Variants in TMOD3 observed in about 807,000 individuals in gnomAD.
The protein encoded by TMOD3 is tropomodulin 3, also known as tropomodulin-3.
A neutral mutation model predicts 39.2 loss-of-function variants in TMOD3; 20 were observed. The ratio of observed to expected loss-of-function variants is 0.51; its 90% CI spans 0.36 to 0.74. The LOEUF (loss-of-function observed/expected upper bound fraction) is 0.74. Among genes scored for constraint, TMOD3 ranks in the 30% least tolerant of loss-of-function variants. The pLI is 0.00. For synonymous variants in TMOD3, 143 were observed against 145.8 expected (o/e 0.98, Z 0.14); for missense variants, 381 against 412.8 (o/e 0.92, Z 0.67).
chr15:51,841,298 A>G (rs761588323), intron 1 of TMOD3, among the ~76,000 whole-genome samples: 32 of 152,230 alleles, frequency 2.1e-4, no homozygotes, highest in Non-Finnish European at 5.9e-5. Flanking sequence ...CCTATGATGT[A>G]ATTAAGATAT....
At chr15:51,873,657 T>A (rs1046306642) in intron 3 of TMOD3, among the ~76,000 whole-genome samples, 1 of 152,152 alleles carries the variant, frequency 6.6e-6, no homozygotes, top group African/African-American at 2.4e-5. Context: ...AATCACATAG[T>A]GAGCTCTCAT....
At chr15:51,885,449 G>GT (rs1170130721) in intron 3 of TMOD3, among the ~76,000 whole-genome samples, 1 of 152,138 alleles carries the variant, frequency 6.6e-6, no homozygotes, top group Admixed American at 6.5e-5. Flanking sequence ...CTTCCGCAGT[G>GT]TTTGTGTCCC....
intron 1 of TMOD3, among the ~76,000 whole-genome samples, chr15:51,836,141 A>G (rs545540863): frequency 6.6e-6 from 1 of 152,310 alleles, no homozygotes; most frequent in Admixed American, 6.5e-5. Context: ...AGCTTTAGTG[A>G]GATATAATTC....
intron 8 of TMOD3, among the ~76,000 whole-genome samples, chr15:51,901,651 T>C (rs1354480292): frequency 6.6e-6 from 1 of 151,468 alleles, no homozygotes; most frequent in African/African-American, 2.4e-5. Context: ...ATTGGGTCAA[T>C]GGGTAAAATC....
chr15:51,861,635 T>G (rs1303770056), intron 1 of TMOD3, among the ~76,000 whole-genome samples: 1 of 152,044 alleles, frequency 6.6e-6, no homozygotes, highest in Non-Finnish European at 1.5e-5. Flanking sequence ...TAAAGTGTAT[T>G]TATTTCCATA....
At position 51,887,806 on chromosome 15, in the gene TMOD3, C is replaced by T. The variant is rs948878689; in HGVS notation, c.406+95C>T. 6 of 1,476,076 alleles carry T rather than the reference C, an allele frequency of 4.1e-6. No homozygotes were observed. The African/African-American group carries it at 7.2e-5, about 18-fold the overall frequency. 91.4% of individuals were successfully genotyped at this position (1,476,076 alleles called of 1,614,324 possible). The stretch of plus-strand genomic sequence containing the variant: ...ATACATTATACAAACGTTTGCTTTA[C>T]CTAGCAAGTACTGTTAAATCAGTAA... On this transcript the variant is annotated intron_variant, in intron 4 of 9. Transcript: ENST00000308580.
chr15:51,895,871 G>T (rs762391853), intron 6 of TMOD3, among the ~76,000 whole-genome samples: 3 of 152,184 alleles, frequency 2.0e-5, no homozygotes, highest in Non-Finnish European at 4.4e-5. Flanking sequence ...CACTTTGGGA[G>T]GCCGAGGAGG....
chr15:51,831,819 A>G (rs1033684529), intron 1 of TMOD3, among the ~76,000 whole-genome samples: 1 of 151,810 alleles, frequency 6.6e-6, no homozygotes, highest in Non-Finnish European at 1.5e-5. Context: ...CATGAATTCA[A>G]GTATGTGTCT....
intron 1 of TMOD3, chr15:51,861,106 T>A: frequency 1.8e-6 from 1 of 550,270 alleles, no homozygotes; most frequent in Middle Eastern, 4.0e-4. Flanking sequence ...TCGAAAAGAT[T>A]AATTTCATGT....
chr15:51,887,528 A>T, intron 3 of TMOD3, 61 bp from the exon 4 acceptor site: 4 of 1,552,020 alleles, frequency 2.6e-6, no homozygotes, highest in Non-Finnish European at 3.5e-6. Context: ...GGTTACAAGG[A>T]TAAAATGGTA....
chr15:51,908,714 C>A, intron 9 of TMOD3, 62 bp from the exon 10 acceptor site: 2 of 1,390,254 alleles, frequency 1.4e-6, no homozygotes, highest in Non-Finnish European at 9.9e-7. Flanking sequence ...TTGTTATAAG[C>A]AAGTTACCAT....
At position 51,887,693 on chromosome 15, in the gene TMOD3, G is replaced by C. The variant is rs748126957; in HGVS notation, c.388G>C (p.Glu130Gln). Reference protein sequence around the residue: ...EEALTSASDTELCDLAAILGM... With the variant: ...EEALTSASDTQLCDLAAILGM... The stretch of plus-strand genomic sequence containing the variant: ...AGCTTTGACAAGTGCTTCTGATACA[G>C]AATTGTGTGACCTCGCAGGTATCAC... The change falls in exon 4 of 10, where the codon GAA becomes CAA. Residue 130 changes from glutamate (E) to glutamine (Q), a missense_variant. Physicochemically the swap from Glu to Gln is conservative, Grantham distance 29 (BLOSUM62 2). Transcript: ENST00000308580. 3 of 1,613,548 alleles carry C rather than the reference G, an allele frequency of 1.9e-6. No individual in the cohort carries two copies. Among genetic ancestry groups the C allele is most frequent in the Non-Finnish European group, 2.5e-6 (3 of 1,179,850 alleles).
Position 51,887,708 on chromosome 15 carries a change from G to A in TMOD3, c.403G>A (p.Ala135Thr), listed in dbSNP as rs145909381. 63 of 1,613,348 alleles carry A rather than the reference G, an allele frequency of 3.9e-5. No individual in the cohort carries two copies. The highest frequency in any genetic ancestry group is 8.0e-5 in the African/African-American group (6 of 74,866). The change falls in exon 4 of 10, where the codon GCA becomes ACA. Residue 135 changes from alanine (A) to threonine (T), a missense_variant. Physicochemically the swap from Ala to Thr is moderately conservative, Grantham distance 58. Transcript: ENST00000308580. ...TTCTGATACAGAATTGTGTGACCTC[G>A]CAGGTATCACCTAAAACAAGTTAAT... ...SASDTELCDL[A>T]AILGMHNLIT...
chr15:51,862,417 A>G (rs2056423876), intron 1 of TMOD3, among the ~76,000 whole-genome samples: 1 of 152,202 alleles, frequency 6.6e-6, no homozygotes, highest in Non-Finnish European at 1.5e-5. Flanking sequence ...TCTCCTAAAC[A>G]ATATATAGTA....
chr15:51,885,703 C>T (rs1006433284), intron 3 of TMOD3, among the ~76,000 whole-genome samples: 1 of 152,246 alleles, frequency 6.6e-6, no homozygotes, highest in African/African-American at 2.4e-5. Flanking sequence ...TACACAGACA[C>T]AGCAACAATC....
Position 51,889,461 on chromosome 15 carries a change from C to T in TMOD3, c.496+316C>T, listed in dbSNP as rs2056581425. ...AATTTTCAAGAAATACATAACAGTA[C>T]TTACAAAGAAATTACATTATAAAAT... On this transcript the variant is annotated intron_variant, in intron 5 of 9. Coordinates refer to ENST00000308580, the MANE Select transcript of TMOD3 (RefSeq NM_014547.5). Among the ~76,000 whole-genome samples, 3 of 152,056 alleles carry T rather than the reference C, an allele frequency of 2.0e-5. No homozygotes were observed. The South Asian group carries it at 6.2e-4, about 32-fold the overall frequency.
At position 51,863,030 on chromosome 15, in the gene TMOD3, G is replaced by C; in HGVS notation, c.126+20G>C. On this transcript the variant is annotated intron_variant, in intron 2 of 9. Transcript: ENST00000308580. ...CCCGAGGTAGGTGCTAGGTGATGAAGAGAAATGAAATAACTTTTCGAATTC... is the reference window on the plus strand; with the variant it reads ...CCCGAGGTAGGTGCTAGGTGATGAACAGAAATGAAATAACTTTTCGAATTC... The C allele has an allele frequency of 6.3e-7, 1 of 1,598,082 alleles. No homozygotes were observed. Among genetic ancestry groups the C allele is most frequent in the South Asian group, 1.1e-5 (1 of 87,740 alleles).
At chr15:51,832,282 A>G (rs1028529771) in intron 1 of TMOD3, among the ~76,000 whole-genome samples, 13 of 145,522 alleles carry the variant, frequency 8.9e-5, no homozygotes, top group African/African-American at 3.3e-4. Flanking sequence ...GATTAGGCAG[A>G]TATACTTATG....
At chr15:51,897,879 G>A (rs181415794) in intron 7 of TMOD3, among the ~76,000 whole-genome samples, 6 of 150,082 alleles carry the variant, frequency 4.0e-5, no homozygotes, top group African/African-American at 7.4e-5. Flanking sequence ...AAATATTTCA[G>A]AATCCAACCA....
Sources: allele counts gnomAD v4.1 joint callset (sites outside exome capture counted in the v4.1 genomes callset), GRCh38; gene constraint gnomAD v4.1.1; transcripts MANE v1.5; gene names NCBI Gene and HGNC (gene_info 2026-07-23, HGNC 2026-07-21).